RNH1: variants seen among roughly 807,000 people sequenced by gnomAD.
RNH1 encodes ribonuclease/angiogenin inhibitor 1, also known as ribonuclease inhibitor.
Under a neutral mutation model 46.1 loss-of-function variants are expected in RNH1, and 38 were observed. The ratio of observed to expected loss-of-function variants is 0.82; its 90% CI spans 0.64 to 1.08. RNH1 has a LOEUF of 1.08. Among genes scored for constraint, RNH1 ranks in the 50% least tolerant of loss-of-function variants. The pLI, the probability that RNH1 is intolerant of heterozygous loss-of-function variation, is 0.00. For synonymous variants in RNH1, 319 were observed against 279.1 expected (o/e 1.14, Z -1.43); for missense variants, 577 against 590.7 (o/e 0.98, Z 0.24).
chr11:506,851 C>A (rs1468233420), intron 1 of RNH1: 1 of 152,336 alleles, frequency 6.6e-6, no homozygotes, highest in Non-Finnish European at 1.5e-5. Flanking sequence ...TTCCGGCAAG[C>A]CCCAAAGGGG....
intron 9 of RNH1, among the ~76,000 whole-genome samples, chr11:497,030 G>A (rs910316702): frequency 2.8e-4 from 43 of 152,244 alleles, no homozygotes; most frequent in Non-Finnish European, 1.5e-5. Flanking sequence ...CCCAGTACAT[G>A]AACATGCACC....
chr11:498,403 G>C (rs1377805523), intron 8 of RNH1, 54 bp downstream of exon 8: 2 of 1,593,758 alleles, frequency 1.3e-6, no homozygotes, highest in African/African-American at 2.7e-5. Context: ...GGTCTCCTCG[G>C]TCACCCTGGC....
chr11:502,209 G>A lies in RNH1; in HGVS notation c.-47C>T, dbSNP rs371008913. ...GGGTGGGAGGCAGAGGGAAGAGGAC[G>A]TCTTGGCCGAATCCCCTCACAGTTT... On this transcript the variant is annotated 5_prime_UTR_variant, in exon 3 of 11. The change creates a new upstream start codon in the 5' untranslated region. Coordinates refer to ENST00000354420, the MANE Select transcript of RNH1 (RefSeq NM_203387.3). The surrounding 1 kb of genome is among the most constrained non-coding windows in gnomAD (Gnocchi z 5.8). The A allele has an allele frequency of 3.3e-5, 49 of 1,464,382 alleles. No homozygotes were observed. The highest frequency in any genetic ancestry group is 3.9e-5 in the Non-Finnish European group (41 of 1,060,888). The allele number at this position is 1,464,382 out of a possible 1,614,324, so 90.7% of individuals were successfully genotyped here. A position where few individuals can be genotyped will look rare whatever the true frequency, so the allele number is the denominator to read the frequency against.
chr11:496,064 T>C (rs1849027718), intron 9 of RNH1, among the ~76,000 whole-genome samples: 2 of 152,048 alleles, frequency 1.3e-5, no homozygotes, highest in Admixed American at 1.3e-4. Context: ...GACAGGCTCA[T>C]GGGCACACCA....
chr11:499,794 G>A, intron 5 of RNH1, 35 bp downstream of exon 5: 1 of 1,586,158 alleles, frequency 6.3e-7, no homozygotes. Flanking sequence ...ACAGGCAGCG[G>A]CCAGCATGGG....
At chr11:500,809 A>G (rs1849683601) in intron 3 of RNH1, 155 bp from the exon 4 acceptor site, 2 of 896,654 alleles carry the variant, frequency 2.2e-6, no homozygotes, top group Admixed American at 4.0e-5. Flanking sequence ...AAAAGGAGGA[A>G]CTGTTCCATG....
intron 9 of RNH1, among the ~76,000 whole-genome samples, 174 bp from the exon 10 acceptor site, chr11:495,227 C>T (rs963881880): frequency 1.3e-5 from 2 of 152,246 alleles, no homozygotes; most frequent in Non-Finnish European, 2.9e-5. Flanking sequence ...AGGTTCCCCA[C>T]CACGGACAAG....
At chr11:495,154 T>C (rs1034972158) in intron 9 of RNH1, 101 bp from the exon 10 acceptor site, 2 of 1,247,354 alleles carry the variant, frequency 1.6e-6, no homozygotes, top group Non-Finnish European at 1.1e-6. Flanking sequence ...ACACCTGTGC[T>C]CGGCAACTCA....
chr11:494,924 C>T lies in RNH1; in HGVS notation c.1257G>A (p.Val419=). ...GGCAGCCCGGCTGCCGGACGCTCTC[C>T]ACCAGCTGCAGGATGCCGGCGTCCC... The part of the protein sequence containing the change: ...CLGDAGILQL[V]ESVRQPGCLL... Residue 419 remains valine (V), a synonymous_variant, in exon 10 of 11, where the codon GTG becomes GTA. Transcript: ENST00000354420. 2 of 1,610,988 alleles carry T rather than the reference C, an allele frequency of 1.2e-6. No individual in the cohort carries two copies. The highest frequency in any genetic ancestry group is 1.7e-6 in the Non-Finnish European group (2 of 1,179,014).
In RNH1 at chr11:499,929, G is replaced by C. The variant is rs1412211487; in HGVS notation, c.343C>G (p.Leu115Val). ...LSSTLRTLPT[L>V]QELHLSDNLL... ...TTGTCGCTGAGGTGCAGCTCCTGCA[G>C]GGTGGGCAGGGTGCGTAGTGTGCTG... The change falls in exon 5 of 11, where the codon CTG becomes GTG. Residue 115 changes from leucine to valine, a missense_variant. Transcript: ENST00000354420. 1 of 1,612,004 alleles carries C rather than the reference G, an allele frequency of 6.2e-7. No individual in the cohort carries two copies. Among genetic ancestry groups the C allele is most frequent in the Non-Finnish European group, 8.5e-7 (1 of 1,179,580 alleles).
intron 9 of RNH1, among the ~76,000 whole-genome samples, chr11:496,985 GAACT>G (rs1849132454): frequency 6.6e-6 from 1 of 152,228 alleles, no homozygotes; most frequent in Admixed American, 6.5e-5. Context: ...GTTAAAATGA[GAACT>G]AAGCCAGAGT....
rs1326220939 is a variant in RNH1, at chr11:500,193, AC to A, written c.273-195del. The stretch of plus-strand genomic sequence containing the variant: ...CACGCATGTGGCTCGACCCAGGGAA[AC>A]CTTGTCTGCAGACACACCTTTCAGT... On this transcript the variant is annotated intron_variant, in intron 4 of 10. Transcript: ENST00000354420. The A allele has an allele frequency of 5.7e-6, 4 of 703,096 alleles. No homozygotes were observed. In the African/African-American group the frequency reaches 7.2e-5, roughly 13 times the overall value. 43.6% of individuals were successfully genotyped at this position (703,096 alleles called of 1,614,324 possible). A position where few individuals can be genotyped will look rare whatever the true frequency, so the allele number is the denominator to read the frequency against.
rs1848861653 is a variant in RNH1 at position 494,550 on chromosome 11, A to C, written c.*141T>G. 4 of 773,704 alleles carry C rather than the reference A, an allele frequency of 5.2e-6. No homozygotes were observed. In the Admixed American group the frequency reaches 6.8e-5, roughly 13 times the overall value. 47.9% of individuals were successfully genotyped at this position (773,704 alleles called of 1,614,324 possible). On this transcript the variant is annotated 3_prime_UTR_variant, in exon 11 of 11. Transcript: ENST00000354420. ...GTGCTTTAATGATTATAAAGTGTCC[A>C]AAATATACTGGCAGAAATAAGCGGA... is the stretch of plus-strand genomic sequence containing the variant.
At position 499,966 on chromosome 11, in the gene RNH1, G is replaced by A. The variant is rs771335347; in HGVS notation, c.306C>T (p.Cys102=). 21 of 1,595,556 alleles carry A rather than the reference G, an allele frequency of 1.3e-5. No individual in the cohort carries two copies. The highest frequency in any genetic ancestry group is 1.8e-4 in the Middle Eastern group (1 of 5,440). ...TGCGTAGTGTGCTGGACAGGACCCC[G>A]CAGCCGGCCCCCGTCAGGCAGCAGT... ...LQNCCLTGAG[C]GVLSSTLRTL... Residue 102 remains cysteine (C), a synonymous_variant, in exon 5 of 11, where the codon TGC becomes TGT. Coordinates refer to ENST00000354420, the MANE Select transcript of RNH1 (RefSeq NM_203387.3).
intron 9 of RNH1, among the ~76,000 whole-genome samples, chr11:497,136 CTCACAT>C (rs1849165883): frequency 8.1e-6 from 1 of 124,050 alleles, no homozygotes; most frequent in Non-Finnish European, 1.9e-5. Context: ...TGTGCTCACA[CTCACAT>C]GGACACTCAT....
Position 504,938 on chromosome 11 carries a change from G to C in RNH1, c.-202C>G, listed in dbSNP as rs1048765725. ...GAGGACGGGTTTTGGAGCGCCGCTC[G>C]GCCGTCCTCAAAACTTTGGACACAC... On this transcript the variant is annotated 5_prime_UTR_variant, in exon 2 of 11. Transcript: ENST00000354420. The C allele has an allele frequency of 6.6e-6, 1 of 152,186 alleles. No homozygotes were observed. The highest frequency in any genetic ancestry group is 2.4e-5 in the African/African-American group (1 of 41,448). 9.4% of individuals were successfully genotyped at this position (152,186 alleles called of 1,614,324 possible).
Position 494,712 on chromosome 11 carries a change from T to C in RNH1, c.1365A>G (p.Pro455=), listed in dbSNP as rs762347108. 7 of 1,613,724 alleles carry C rather than the reference T, an allele frequency of 4.3e-6. No homozygotes were observed. In the African/African-American group the frequency reaches 5.3e-5, roughly 12 times the overall value. Residue 455 remains proline (P), a synonymous_variant, in exon 11 of 11, where the codon CCA becomes CCG. Transcript: ENST00000354420. ...DRLQALEKDK[P]SLRVIS is the part of the protein sequence containing the mutation. ...AGCCTCAGGAGATGACCCTCAGGGATGGCTTGTCCTTCTCCAGGGCCTGCA... is the reference window on the plus strand; with the variant it reads ...AGCCTCAGGAGATGACCCTCAGGGACGGCTTGTCCTTCTCCAGGGCCTGCA...
intron 4 of RNH1, 55 bp downstream of exon 4, chr11:500,429 C>A: frequency 6.4e-7 from 1 of 1,564,258 alleles, no homozygotes; most frequent in Non-Finnish European, 8.7e-7. Context: ...CCCCTGCTGC[C>A]GGGCTACCAA....
In RNH1 at chr11:502,451, C is replaced by T; in HGVS notation, c.-87-202G>A. On this transcript the variant is annotated intron_variant, in intron 2 of 10. Coordinates refer to ENST00000354420, the MANE Select transcript of RNH1 (RefSeq NM_203387.3). This position sits in a 1 kb window ranked among gnomAD's most constrained non-coding sequence, Gnocchi z 5.8. Reference sequence around the variant, plus strand: ...GGTAATGCAGATGCCAGCCCATCTCCTGGCTATCACCACCCAGCCTCTGTG... The same window carrying T: ...GGTAATGCAGATGCCAGCCCATCTCTTGGCTATCACCACCCAGCCTCTGTG... 2 of 492,266 alleles carry T rather than the reference C, an allele frequency of 4.1e-6. No individual in the cohort carries two copies. The highest frequency in any genetic ancestry group is 2.5e-5 in the South Asian group (1 of 40,216). 30.5% of individuals were successfully genotyped at this position (492,266 alleles called of 1,614,324 possible).
Sources: gnomAD v4.1 joint callset for allele counts (sites outside exome capture counted in the v4.1 genomes callset) on GRCh38, gnomAD v4.1.1 for gene constraint, Gnocchi (gnomAD v3.1) non-coding constraint, MANE v1.5 for transcripts, NCBI Gene and HGNC (gene_info 2026-07-23, HGNC 2026-07-21) for gene names.